Variants in CDH18 observed in about 807,000 individuals in gnomAD.
CDH18 encodes the protein cadherin 18, also known as cadherin-18.
In CDH18, 31 loss-of-function variants were observed where a neutral mutation model predicts 67.9. That is an observed-to-expected ratio of 0.46 (90% CI 0.34 to 0.62). The LOEUF is 0.62. Among genes scored for constraint, CDH18 ranks in the 20% least tolerant of loss-of-function variants. CDH18 has a pLI of 0.01. For synonymous variants in CDH18, 362 were observed against 347.2 expected, an observed-to-expected ratio of 1.04 and a Z score of -0.48; for missense variants, 890 against 975.5, an observed-to-expected ratio of 0.91 and a Z score of 1.17.
At chr5:20,573,793 A>C (rs1758939629) in intron 1 of CDH18, among the ~76,000 whole-genome samples, 1 of 137,858 alleles carries the variant, frequency 7.3e-6, no homozygotes, top group Non-Finnish European at 1.6e-5. Context: ...CCCCAAATAT[A>C]ATACTTAAAA....
At chr5:20,047,031 C>A (rs984318016) in intron 2 of CDH18, among the ~76,000 whole-genome samples, 4 of 151,496 alleles carry the variant, frequency 2.6e-5, no homozygotes, top group African/African-American at 7.3e-5. Flanking sequence ...GAAAGAAACA[C>A]GAGAGAGTAG....
At chr5:20,474,028 G>T (rs1012646621) in intron 1 of CDH18, among the ~76,000 whole-genome samples, 1 of 152,008 alleles carries the variant, frequency 6.6e-6, no homozygotes, top group African/African-American at 2.4e-5. Flanking sequence ...CTAAAAACAA[G>T]ATTGAAATAA....
rs75868704 is a variant in CDH18, at chr5:20,433,202, T to A, written c.-580+142260A>T. On this transcript the variant is annotated intron_variant, in intron 1 of 14. Coordinates refer to the CDH18 transcript ENST00000507958. Reference sequence around the variant, plus strand: ...CCCAAGAATGCAACAGTATTTGGGATAAAGCTCTTAAAGGAGCAGTTAAGG... The same window carrying A: ...CCCAAGAATGCAACAGTATTTGGGAAAAAGCTCTTAAAGGAGCAGTTAAGG... 5.7e-3 allele frequency among the ~76,000 whole-genome samples: 864 copies of A among 151,214 alleles called. 13 individuals are homozygous for A. Among genetic ancestry groups the A allele is most frequent in the African/African-American group, 0.02 (823 of 41,308 alleles).
chr5:19,884,875 C>T (rs1379474905), intron 2 of CDH18, among the ~76,000 whole-genome samples: 1 of 151,980 alleles, frequency 6.6e-6, no homozygotes, highest in Non-Finnish European at 1.5e-5. Flanking sequence ...GCAAGGTTAT[C>T]AAATAATAGC....
intron 2 of CDH18, among the ~76,000 whole-genome samples, chr5:20,042,332 T>C (rs1012547553): frequency 6.6e-6 from 1 of 152,220 alleles, no homozygotes; most frequent in Non-Finnish European, 1.5e-5. Flanking sequence ...TATTTTCAAT[T>C]TCAGAAGTTT....
At chr5:19,914,291 G>A (rs1472266753) in intron 2 of CDH18, among the ~76,000 whole-genome samples, 1 of 152,022 alleles carries the variant, frequency 6.6e-6, no homozygotes, top group African/African-American at 2.4e-5. Flanking sequence ...TTACAGTAAT[G>A]TAAAATCTCT....
chr5:20,521,659 G>C (rs1459504776), intron 1 of CDH18, among the ~76,000 whole-genome samples: 1 of 152,078 alleles, frequency 6.6e-6, no homozygotes, highest in East Asian at 1.9e-4. Context: ...TTTAAGTGTA[G>C]AGTTAATGGC....
At chr5:19,970,658 T>G (rs1797933654) in intron 2 of CDH18, among the ~76,000 whole-genome samples, 1 of 151,730 alleles carries the variant, frequency 6.6e-6, no homozygotes, top group African/African-American at 2.4e-5. Flanking sequence ...ATTTAAATGC[T>G]AAGTTCACGA....
chr5:19,853,966 G>A (rs528665991), intron 2 of CDH18, among the ~76,000 whole-genome samples: 1 of 152,196 alleles, frequency 6.6e-6, no homozygotes, highest in African/African-American at 2.4e-5. Flanking sequence ...AACGGAAAAT[G>A]TCTACGTGGC....
chr5:19,724,796 T>G (rs1177974567), intron 4 of CDH18, among the ~76,000 whole-genome samples: 1 of 152,174 alleles, frequency 6.6e-6, no homozygotes, highest in Non-Finnish European at 1.5e-5. Flanking sequence ...TCCTGTGAGT[T>G]TTCTCAATAT....
At chr5:19,947,642 A>G (rs925581400) in intron 2 of CDH18, among the ~76,000 whole-genome samples, 4 of 148,218 alleles carry the variant, frequency 2.7e-5, no homozygotes, top group African/African-American at 9.9e-5. Context: ...CTGCGCCTGC[A>G]CTCCCAGCTA....
chr5:19,947,967 C>T (rs1430570178), intron 2 of CDH18, among the ~76,000 whole-genome samples: 1 of 151,972 alleles, frequency 6.6e-6, no homozygotes, highest in African/African-American at 2.4e-5. Context: ...AGAAAATGGG[C>T]AAAAGAAATA....
intron 1 of CDH18, among the ~76,000 whole-genome samples, chr5:20,463,482 C>A (rs932168114): frequency 2.0e-5 from 3 of 152,070 alleles, no homozygotes; most frequent in Non-Finnish European, 4.4e-5. Context: ...AGGAAACGTA[C>A]AATCATGGCA....
chr5:20,568,294 T>A (rs1758627174), intron 1 of CDH18, among the ~76,000 whole-genome samples: 1 of 152,220 alleles, frequency 6.6e-6, no homozygotes, highest in Admixed American at 6.5e-5. Context: ...AGGAATTTTA[T>A]AATTGGGTTT....
intron 7 of CDH18, among the ~76,000 whole-genome samples, chr5:19,584,116 G>A (rs1743711463): frequency 6.6e-6 from 1 of 152,174 alleles, no homozygotes; most frequent in Non-Finnish European, 1.5e-5. Context: ...CACATCTCTA[G>A]CTACAAGAGG....
intron 1 of CDH18, among the ~76,000 whole-genome samples, chr5:20,298,179 C>G (rs1254134850): frequency 6.6e-6 from 1 of 152,038 alleles, no homozygotes; most frequent in African/African-American, 2.4e-5. Context: ...GAAAAAAAAG[C>G]AAACTATCTA....
chr5:20,344,842 TAA>T (rs1740573586), intron 1 of CDH18, among the ~76,000 whole-genome samples: 2 of 152,116 alleles, frequency 1.3e-5, no homozygotes, highest in African/African-American at 4.8e-5. Context: ...ATAAAAATTA[TAA>T]AAGATAAGTA....
intron 1 of CDH18, among the ~76,000 whole-genome samples, chr5:20,389,940 G>T (rs931173527): frequency 1.1e-4 from 16 of 152,184 alleles, no homozygotes; most frequent in African/African-American, 3.9e-4. Context: ...GCCATAGGTA[G>T]AAAGCTGAAA....
intron 5 of CDH18, among the ~76,000 whole-genome samples, chr5:19,674,961 C>G (rs982399453): frequency 6.6e-6 from 1 of 152,060 alleles, no homozygotes; most frequent in Non-Finnish European, 1.5e-5. Context: ...CATGTGGGTC[C>G]TTTTCTATTT....
Sources: gnomAD v4.1 joint callset for allele counts (sites outside exome capture counted in the v4.1 genomes callset) on GRCh38, gnomAD v4.1.1 for gene constraint, MANE v1.5 for transcripts, NCBI Gene and HGNC (gene_info 2026-07-23, HGNC 2026-07-21) for gene names.